Variants in MAGI2 observed in about 807,000 individuals in gnomAD.
The protein encoded by MAGI2 is membrane-associated guanylate kinase, WW and PDZ domain-containing protein 2.
In MAGI2, 35 loss-of-function variants were observed where a neutral mutation model predicts 133.3. The ratio of observed to expected loss-of-function variants is 0.26; its 90% CI spans 0.20 to 0.35. The LOEUF (loss-of-function observed/expected upper bound fraction) is 0.35. Among genes scored for constraint, MAGI2 ranks in the 10% least tolerant of loss-of-function variants. The pLI, the probability that MAGI2 is intolerant of heterozygous loss-of-function variation, is 1.00. For synonymous variants in MAGI2, 729 were observed against 710.6 expected, an observed-to-expected ratio of 1.03 and a Z score of -0.41; for missense variants, 1,636 against 1,863.4, an observed-to-expected ratio of 0.88 and a Z score of 2.25.
At chr7:78,309,169 C>T (rs1281218897) in intron 9 of MAGI2, among the ~76,000 whole-genome samples, 1 of 152,154 alleles carries the variant, frequency 6.6e-6, no homozygotes, top group Admixed American at 6.5e-5. Context: ...CTATTTGACC[C>T]CGCAATCCCA....
rs555788662 is a variant in MAGI2, at chr7:79,164,283, T to G, written c.302-157077A>C. Among the ~76,000 whole-genome samples, 4 of 152,192 alleles carry G rather than the reference T, an allele frequency of 2.6e-5. No individual in the cohort carries two copies. In the South Asian group the frequency reaches 8.3e-4, roughly 32 times the overall value. Reference sequence around the variant, plus strand: ...TTTATTTAACCGTATGTATTGTGACTTACTTTCCAATCTGACTCTGGCATA... The same window carrying G: ...TTTATTTAACCGTATGTATTGTGACGTACTTTCCAATCTGACTCTGGCATA... On this transcript the variant is annotated intron_variant, in intron 1 of 21. Coordinates refer to ENST00000354212, the MANE Select transcript of MAGI2 (RefSeq NM_012301.4).
rs571860558 is a variant in MAGI2, at chr7:78,162,488, G to A, written c.2597-2215C>T. On this transcript the variant is annotated intron_variant, in intron 15 of 21. Transcript: ENST00000354212. ...TGCAGTGAGCCAAAATCACACCACT[G>A]CACTCCAGCCTGGGCGACAGAGCGA... Among the ~76,000 whole-genome samples the A allele has an allele frequency of 2.1e-5, 3 of 145,652 alleles. No individual in the cohort carries two copies. The Admixed American group carries it at 2.1e-4, about 10-fold the overall frequency.
At chr7:78,509,108 G>C (rs10260379) in intron 4 of MAGI2, among the ~76,000 whole-genome samples, 1 of 151,486 alleles carries the variant, frequency 6.6e-6, no homozygotes, top group African/African-American at 2.4e-5. Context: ...GTGTCTCTTA[G>C]ATGTCGTTCA....
chr7:79,083,578 T>C (rs924955961), intron 1 of MAGI2, among the ~76,000 whole-genome samples: 4 of 151,852 alleles, frequency 2.6e-5, no homozygotes, highest in African/African-American at 7.2e-5. Flanking sequence ...AATTTGCTAG[T>C]ATTTTCTGAG....
At chr7:78,794,996 T>C (rs1787486386) in intron 2 of MAGI2, among the ~76,000 whole-genome samples, 1 of 152,160 alleles carries the variant, frequency 6.6e-6, no homozygotes, top group Non-Finnish European at 1.5e-5. Flanking sequence ...CAGCTGAGAT[T>C]ACAGGCATGT....
chr7:79,135,799 G>T (rs977987260), intron 1 of MAGI2, among the ~76,000 whole-genome samples: 5 of 151,452 alleles, frequency 3.3e-5, no homozygotes, highest in Non-Finnish European at 4.4e-5. Context: ...AAATTAGCTG[G>T]GTGTGGTGGC....
At chr7:78,766,197 G>T (rs761184052) in intron 2 of MAGI2, among the ~76,000 whole-genome samples, 19 of 152,150 alleles carry the variant, frequency 1.2e-4, no homozygotes, top group Non-Finnish European at 2.2e-4. Flanking sequence ...AAAGTGCTTG[G>T]CAAGATCAAT....
intron 1 of MAGI2, among the ~76,000 whole-genome samples, chr7:79,203,888 A>G (rs1828822485): frequency 6.6e-6 from 1 of 152,084 alleles, no homozygotes; most frequent in Non-Finnish European, 1.5e-5. Flanking sequence ...GGTCGTCCCC[A>G]TGCAGAAACA....
chr7:78,278,429 T>A (rs771347521), intron 9 of MAGI2, among the ~76,000 whole-genome samples: 1 of 152,182 alleles, frequency 6.6e-6, no homozygotes, highest in African/African-American at 2.4e-5. Flanking sequence ...TGGATTGATA[T>A]GGTTTTTATA....
intron 9 of MAGI2, among the ~76,000 whole-genome samples, chr7:78,269,201 T>G (rs1794320983): frequency 6.6e-6 from 1 of 152,206 alleles, no homozygotes; most frequent in South Asian, 2.1e-4. Flanking sequence ...GGCATTTGGG[T>G]TGGTTCCAAG....
rs139097677 is a variant in MAGI2 at position 79,279,239 on chromosome 7, C to T, written c.301+173781G>A. On this transcript the variant is annotated intron_variant, in intron 1 of 21. Coordinates refer to ENST00000354212, the MANE Select transcript of MAGI2 (RefSeq NM_012301.4). ...TTTCTATATTCCTGGAACCCAGTCACCTTGCATCTTGAGTATCTTCCTCAT... is the reference window on the plus strand; with the variant it reads ...TTTCTATATTCCTGGAACCCAGTCATCTTGCATCTTGAGTATCTTCCTCAT... Among the ~76,000 whole-genome samples the T allele has an allele frequency of 2.8e-3, 422 of 152,212 alleles. 3 individuals carry two copies. The highest frequency in any genetic ancestry group is 9.3e-3 in the African/African-American group (385 of 41,548).
At chr7:78,218,492 ATAT>A (rs1788483442) in intron 10 of MAGI2, among the ~76,000 whole-genome samples, 2 of 152,384 alleles carry the variant, frequency 1.3e-5, no homozygotes, top group East Asian at 3.9e-4. Context: ...GTTAACAAGC[ATAT>A]TGTTAACAAT....
intron 20 of MAGI2, among the ~76,000 whole-genome samples, chr7:78,095,933 C>T (rs1379529076): frequency 6.6e-6 from 1 of 152,144 alleles, no homozygotes; most frequent in Non-Finnish European, 1.5e-5. Context: ...CTAGATAAAG[C>T]TTGTGGATTA....
chr7:79,298,470 A>G (rs1022797128), intron 1 of MAGI2, among the ~76,000 whole-genome samples: 1 of 152,198 alleles, frequency 6.6e-6, no homozygotes, highest in African/African-American at 2.4e-5. Flanking sequence ...AACACACAAA[A>G]AAACCTGCCA....
intron 1 of MAGI2, among the ~76,000 whole-genome samples, chr7:79,017,790 A>T (rs893795329): frequency 2.0e-5 from 3 of 152,216 alleles, no homozygotes; most frequent in Non-Finnish European, 4.4e-5. Flanking sequence ...TAATGCAATC[A>T]CAAGTATTAA....
chr7:78,420,477 C>A (rs1452085247), intron 6 of MAGI2, among the ~76,000 whole-genome samples: 1 of 152,030 alleles, frequency 6.6e-6, no homozygotes, highest in Non-Finnish European at 1.5e-5. Flanking sequence ...CAAAATGAAA[C>A]CTTAAACTAC....
chr7:78,684,502 G>A (rs1365696321), intron 2 of MAGI2, among the ~76,000 whole-genome samples: 1 of 152,150 alleles, frequency 6.6e-6, no homozygotes, highest in Non-Finnish European at 1.5e-5. Flanking sequence ...CTCTTTGGGA[G>A]CCACTGGTTT....
chr7:78,479,257 T>G (rs972728317), intron 6 of MAGI2, among the ~76,000 whole-genome samples: 3 of 152,058 alleles, frequency 2.0e-5, no homozygotes. Context: ...CCTTAAATAG[T>G]TTTTGTATCA....
intron 2 of MAGI2, among the ~76,000 whole-genome samples, chr7:78,854,888 G>T (rs112479715): frequency 2.0e-5 from 3 of 151,408 alleles, no homozygotes; most frequent in African/African-American, 4.8e-5. Flanking sequence ...ACGGAGTCTC[G>T]CTCTGTCACC....
Sources: allele counts gnomAD v4.1 joint callset (sites outside exome capture counted in the v4.1 genomes callset), GRCh38; gene constraint gnomAD v4.1.1; transcripts MANE v1.5; gene names NCBI Gene and HGNC (gene_info 2026-07-23, HGNC 2026-07-21).